INSYN2A: variants seen among roughly 807,000 people sequenced by gnomAD.
INSYN2A encodes inhibitory synaptic factor 2A.
A neutral mutation model predicts 39.4 loss-of-function variants in INSYN2A; 17 were observed. That is an observed-to-expected ratio of 0.43 (90% CI 0.30 to 0.65). The LOEUF (loss-of-function observed/expected upper bound fraction) is 0.65, where lower values mean the gene tolerates loss of function less well. INSYN2A is among the 30% of genes least tolerant of loss of function. The pLI is 0.14. For missense variants in INSYN2A, 595 were observed against 631.2 expected (o/e 0.94, Z 0.61); for synonymous variants, 255 against 265.7 (o/e 0.96, Z 0.39).
At position 127,175,149 on chromosome 10, in the gene INSYN2A, TA is replaced by T. The variant is rs1457674468; in HGVS notation, c.1184+62del. 7.9e-6 allele frequency: 11 copies of T among 1,391,726 alleles called. No individual in the cohort carries two copies. Among genetic ancestry groups the T allele is most frequent in the African/African-American group, 1.4e-5 (1 of 69,658 alleles). 86.2% of individuals were successfully genotyped at this position (1,391,726 alleles called of 1,614,324 possible). A position where few individuals can be genotyped will look rare whatever the true frequency, so the allele number is the denominator to read the frequency against. On this transcript the variant is annotated intron_variant, in intron 4 of 5. Coordinates refer to ENST00000522781, the MANE Select transcript of INSYN2A (RefSeq NM_001039762.3). This position sits in a 1 kb window ranked among gnomAD's most constrained non-coding sequence, Gnocchi z 6.3. ...CTCATTACAGACTTGGGTTTGGGGC[TA>T]CAGATGGACTCTGTGGTGATCAGCC...
rs752623435 is a variant in INSYN2A, at chr10:127,175,602, G to T, written c.794C>A (p.Ala265Asp). ...AGAGTCTGACAAACCAGGCTCGGGGGCCCTGGCACTGAGGGCAGGTGCGTA... is the reference window on the plus strand; with the variant it reads ...AGAGTCTGACAAACCAGGCTCGGGGTCCCTGGCACTGAGGGCAGGTGCGTA... ...TVYAPALSAR[A>D]PEPGLSDSAA... is the part of the protein sequence containing the mutation. The change falls in exon 4 of 6, where the codon GCC becomes GAC. Residue 265 changes from alanine to aspartate, a missense_variant. Ala to Asp is a moderately radical substitution (Grantham distance 126). This residue lies in a region of INSYN2A where 478 missense variants were observed against 467.4 expected (regional missense o/e 1.02). Transcript: ENST00000522781. The surrounding 1 kb of genome is among the most constrained non-coding windows in gnomAD (Gnocchi z 6.3). The T allele has an allele frequency of 6.2e-7, 1 of 1,612,686 alleles. No individual in the cohort carries two copies. Among genetic ancestry groups the T allele is most frequent in the East Asian group, 2.2e-5 (1 of 44,868 alleles).
In INSYN2A at chr10:127,186,504, A is replaced by ACCCCCCC. The variant is rs1216809857; in HGVS notation, c.-269+6100_-269+6101insGGGGGGG. ...CAATCATGATAACAGCATGGGAGAAACCGCCCCCCCGCCCCCCCCCGATCC... is the reference window on the plus strand; with the variant it reads ...CAATCATGATAACAGCATGGGAGAAACCCCCCCCCGCCCCCCCGCCCCCCCCCGATCC... On this transcript the variant is annotated intron_variant, in intron 2 of 5. Coordinates refer to ENST00000522781, the MANE Select transcript of INSYN2A (RefSeq NM_001039762.3). Among the ~76,000 whole-genome samples, 12 of 9,022 alleles carry ACCCCCCC rather than the reference A, an allele frequency of 1.3e-3. 1 individual carries two copies. Among genetic ancestry groups the ACCCCCCC allele is most frequent in the Non-Finnish European group, 2.8e-3 (8 of 2,824 alleles). The allele number at this position is 9,022 out of a possible 152,430, so 5.9% of individuals were successfully genotyped here.
At chr10:127,139,780 G>A (rs1004031935) in intron 5 of INSYN2A, among the ~76,000 whole-genome samples, 3 of 152,088 alleles carry the variant, frequency 2.0e-5, no homozygotes, top group African/African-American at 7.2e-5. Context: ...CCAGGCTGTC[G>A]TAATTACTGA....
chr10:127,179,606 C>T (rs751261869), intron 2 of INSYN2A, among the ~76,000 whole-genome samples: 1 of 152,088 alleles, frequency 6.6e-6, no homozygotes, highest in Non-Finnish European at 1.5e-5. Context: ...AAGGTGGACA[C>T]ATCTTTTCGG....
intron 4 of INSYN2A, among the ~76,000 whole-genome samples, chr10:127,174,314 G>A (rs1441183571): frequency 6.6e-6 from 1 of 152,168 alleles, no homozygotes; most frequent in African/African-American, 2.4e-5. Flanking sequence ...ATGGGCAAGA[G>A]AGGTCTCGGC....
intron 4 of INSYN2A, among the ~76,000 whole-genome samples, chr10:127,162,365 A>G (rs2133688565): frequency 6.6e-6 from 1 of 152,342 alleles, no homozygotes; most frequent in South Asian, 2.1e-4. Flanking sequence ...TATATCTCTA[A>G]GAACATGATA....
intron 4 of INSYN2A, among the ~76,000 whole-genome samples, chr10:127,155,140 A>G (rs528319254): frequency 6.6e-6 from 1 of 152,358 alleles, no homozygotes; most frequent in East Asian, 1.9e-4. Flanking sequence ...AACAGTGTGC[A>G]CAGAAGGTCT....
At chr10:127,191,562 T>G (rs2056757916) in intron 2 of INSYN2A, among the ~76,000 whole-genome samples, 1 of 152,108 alleles carries the variant, frequency 6.6e-6, no homozygotes, top group Non-Finnish European at 1.5e-5. Context: ...ATGTAACCAC[T>G]AAGTACACAT....
chr10:127,162,134 A>G (rs2053642883), intron 4 of INSYN2A, among the ~76,000 whole-genome samples: 2 of 152,184 alleles, frequency 1.3e-5, no homozygotes, highest in African/African-American at 2.4e-5. Context: ...GCCTGCAGAT[A>G]TATGTCAGGT....
At chr10:127,189,033 C>T (rs2056528368) in intron 2 of INSYN2A, among the ~76,000 whole-genome samples, 1 of 152,114 alleles carries the variant, frequency 6.6e-6, no homozygotes, top group African/African-American at 2.4e-5. Flanking sequence ...AGGAAGCGCT[C>T]AGTACACAGC....
intron 5 of INSYN2A, among the ~76,000 whole-genome samples, chr10:127,146,375 T>C (rs1317269826): frequency 6.6e-6 from 1 of 152,198 alleles, no homozygotes; most frequent in Non-Finnish European, 1.5e-5. Flanking sequence ...TGCTAAACAT[T>C]AGTAAAAATG....
intron 4 of INSYN2A, among the ~76,000 whole-genome samples, chr10:127,171,635 A>G (rs926637291): frequency 3.3e-5 from 5 of 152,180 alleles, no homozygotes; most frequent in African/African-American, 1.2e-4. Context: ...GACTTTCCCC[A>G]GCTTCAAGAG....
At chr10:127,171,036 C>T (rs905827568) in intron 4 of INSYN2A, among the ~76,000 whole-genome samples, 2 of 152,160 alleles carry the variant, frequency 1.3e-5, no homozygotes, top group Admixed American at 6.5e-5. Context: ...CTTTATTCAG[C>T]GCCAACTGTG....
At chr10:127,185,579 G>A (rs948638031) in intron 2 of INSYN2A, among the ~76,000 whole-genome samples, 5 of 152,186 alleles carry the variant, frequency 3.3e-5, no homozygotes, top group East Asian at 1.9e-4. Flanking sequence ...CTTAGGATGA[G>A]TGTACAATAT....
rs1255712691 is a variant in INSYN2A, at chr10:127,193,534, C to G, written c.-394-804G>C. On this transcript the variant is annotated intron_variant, in intron 1 of 5. Coordinates refer to ENST00000522781, the MANE Select transcript of INSYN2A (RefSeq NM_001039762.3). Reference sequence around the variant, plus strand: ...CACCTGCTTCTCATATTCCAGAGTTCAGTAGTTGTCTCTAAATGAGATAGC... The same window carrying G: ...CACCTGCTTCTCATATTCCAGAGTTGAGTAGTTGTCTCTAAATGAGATAGC... Among the ~76,000 whole-genome samples, 3 of 152,094 alleles carry G rather than the reference C, an allele frequency of 2.0e-5. No homozygotes were observed. In the South Asian group the frequency reaches 6.2e-4, roughly 32 times the overall value.
Position 127,176,428 on chromosome 10 carries a change from T to G in INSYN2A, c.-5-28A>C. On this transcript the variant is annotated intron_variant, in intron 3 of 5. Transcript: ENST00000522781. The surrounding 1 kb of genome is among the most constrained non-coding windows in gnomAD (Gnocchi z 4.4). ...GCATTCAGAAACAGCAACAGAGGTG[T>G]CAGTGGGACAGAAATACACACTCAA... The G allele has an allele frequency of 3.2e-6, 5 of 1,553,890 alleles. No homozygotes were observed. The highest frequency in any genetic ancestry group is 4.4e-6 in the Non-Finnish European group (5 of 1,147,896).
At chr10:127,187,093 C>T (rs1019691557) in intron 2 of INSYN2A, among the ~76,000 whole-genome samples, 15 of 152,212 alleles carry the variant, frequency 9.9e-5, no homozygotes, top group African/African-American at 3.6e-4. Context: ...AGCCCAGGCT[C>T]GGGCAGGCAC....
At chr10:127,154,357 C>T (rs758753210) in intron 4 of INSYN2A, among the ~76,000 whole-genome samples, 11 of 152,290 alleles carry the variant, frequency 7.2e-5, no homozygotes, top group Admixed American at 2.0e-4. Flanking sequence ...CAAATCCCGC[C>T]GGGGCCTGGT....
intron 5 of INSYN2A, among the ~76,000 whole-genome samples, chr10:127,139,572 T>G (rs144047404): frequency 1.1e-3 from 166 of 152,290 alleles, no homozygotes; most frequent in Non-Finnish European, 2.0e-3. Context: ...GGAGGCATAG[T>G]CTCTTCTAAG....
Sources: gnomAD v4.1 joint callset for allele counts (sites outside exome capture counted in the v4.1 genomes callset) on GRCh38, gnomAD v4.1.1 for gene constraint, gnomAD v4.1.1 regional missense constraint, Gnocchi (gnomAD v3.1) non-coding constraint, MANE v1.5 for transcripts, NCBI Gene and HGNC (gene_info 2026-07-23, HGNC 2026-07-21) for gene names.